OR10G2: variants seen among roughly 807,000 people sequenced by gnomAD.
OR10G2 encodes olfactory receptor family 10 subfamily G member 2.
For missense variants in OR10G2, 396 were observed against 387.6 expected (o/e 1.02, Z -0.18); for synonymous variants, 147 against 164.2 (o/e 0.90, Z 0.80).
Position 21,634,714 on chromosome 14 carries a change from C to A in OR10G2, c.129G>T (p.Gln43His). 1.2e-6 allele frequency: 2 copies of A among 1,614,148 alleles called. No homozygotes were observed. The highest frequency in any genetic ancestry group is 1.7e-6 in the Non-Finnish European group (2 of 1,180,020). Residue 43 changes from glutamine (Q) to histidine (H), a missense_variant, in exon 1 of 1, where the codon CAG becomes CAT. Gln to His is a conservative substitution (Grantham distance 24). Coordinates refer to ENST00000542433, the MANE Select transcript of OR10G2 (RefSeq NM_001005466.2). The part of the protein sequence containing the change: ...LVFFIIYILT[Q>H]LGNLLILLTM... ...TGAGCAGAATGAGCAGGTTCCCCAG[C>A]TGAGTGAGGATGTAAATGATGAAGA...
chr14:21,633,843 C>T lies in OR10G2; in HGVS notation c.*67G>A. 3 of 1,132,848 alleles carry T rather than the reference C, an allele frequency of 2.6e-6. No individual in the cohort carries two copies. Among genetic ancestry groups the T allele is most frequent in the South Asian group, 1.5e-5 (1 of 64,526 alleles). The allele number at this position is 1,132,848 out of a possible 1,614,324, so 70.2% of individuals were successfully genotyped here. ...CAGTTTATTGGGCATTTGTCACATG[C>T]AGCAGTAGCTGAAGAGAGTGGCAGT... On this transcript the variant is annotated 3_prime_UTR_variant, in exon 1 of 1. Coordinates refer to ENST00000542433, the MANE Select transcript of OR10G2 (RefSeq NM_001005466.2).
At position 21,634,558 on chromosome 14, in the gene OR10G2, C is replaced by T; in HGVS notation, c.285G>A (p.Lys95=). The change falls in exon 1 of 1, where the codon AAG becomes AAA. Residue 95 remains lysine (K), a synonymous_variant. Coordinates refer to ENST00000542433, the MANE Select transcript of OR10G2 (RefSeq NM_001005466.2). The part of the protein sequence containing the change: ...LLILDFTPSI[K]AIPFGGCVAQ... ...CCACACAGCCACCAAACGGGATAGC[C>T]TTGATGGAAGGAGTAAAATCCAAAA... 1 of 1,614,092 alleles carries T rather than the reference C, an allele frequency of 6.2e-7. No homozygotes were observed. Among genetic ancestry groups the T allele is most frequent in the Non-Finnish European group, 8.5e-7 (1 of 1,180,000 alleles).
chr14:21,634,449 A>G lies in OR10G2; in HGVS notation c.394T>C (p.Cys132Arg), dbSNP rs1327151891. The part of the protein sequence containing the change: ...LMAYDRYLAI[C>R]QPLRYPVLMN... Reference sequence around the variant, plus strand: ...AGCACTGGGTAGCGCAGGGGCTGACATATTGCCAGGTACCTGTCATAGGCC... The same window carrying G: ...AGCACTGGGTAGCGCAGGGGCTGACGTATTGCCAGGTACCTGTCATAGGCC... Residue 132 changes from cysteine (C) to arginine (R), a missense_variant, in exon 1 of 1, where the codon TGT becomes CGT. Physicochemically the swap from Cys to Arg is radical, Grantham distance 180. Transcript: ENST00000542433. 2.5e-6 allele frequency: 4 copies of G among 1,614,242 alleles called. No individual in the cohort carries two copies. Among genetic ancestry groups the G allele is most frequent in the East Asian group, 4.5e-5 (2 of 44,884 alleles).
rs1481581841 is a variant in OR10G2, at chr14:21,634,020, C to T, written c.823G>A (p.Gly275Arg). ...ACAGTGTAAAACACAGCCGCTGCCC[C>T]ATCCAGGGGGTCTTTGGAGCCAGCC... ...LRAGSKDPLD[G>R]AAAVFYTVVT... Residue 275 changes from glycine (G) to arginine (R), a missense_variant, in exon 1 of 1, where the codon GGG (glycine) becomes AGG (arginine). Coordinates refer to ENST00000542433, the MANE Select transcript of OR10G2 (RefSeq NM_001005466.2). The T allele has an allele frequency of 1.2e-6, 2 of 1,614,064 alleles. No homozygotes were observed. Among genetic ancestry groups the T allele is most frequent in the African/African-American group, 2.7e-5 (2 of 74,922 alleles).
chr14:21,634,521 A>C lies in OR10G2; in HGVS notation c.322T>G (p.Phe108Val). The C allele has an allele frequency of 6.2e-7, 1 of 1,614,202 alleles. No homozygotes were observed. The highest frequency in any genetic ancestry group is 8.5e-7 in the Non-Finnish European group (1 of 1,180,026). Residue 108 changes from phenylalanine to valine, a missense_variant, in exon 1 of 1, where the codon TTC becomes GTC. By Grantham distance (50) the Phe-to-Val change is conservative (BLOSUM62 -1). Coordinates refer to ENST00000542433, the MANE Select transcript of OR10G2 (RefSeq NM_001005466.2). Reference protein sequence around the residue: ...PFGGCVAQLYFFHFLGSTQCF... With the variant: ...PFGGCVAQLYVFHFLGSTQCF... ...TGGGTGCTGCCCAGGAAGTGAAAGAAATACAGTTGAGCCACACAGCCACCA... is the reference window on the plus strand; with the variant it reads ...TGGGTGCTGCCCAGGAAGTGAAAGACATACAGTTGAGCCACACAGCCACCA...
In OR10G2 at chr14:21,634,829, T is replaced by G. The variant is rs1405636214; in HGVS notation, c.14A>C (p.Lys5Thr). The G allele has an allele frequency of 5.6e-6, 9 of 1,607,724 alleles. No homozygotes were observed. Among genetic ancestry groups the G allele is most frequent in the Non-Finnish European group, 7.6e-6 (9 of 1,177,436 alleles). Residue 5 changes from lysine (K) to threonine (T), a missense_variant, in exon 1 of 1, where the codon AAA becomes ACA. Physicochemically the swap from Lys to Thr is moderately conservative, Grantham distance 78. Coordinates refer to ENST00000542433, the MANE Select transcript of OR10G2 (RefSeq NM_001005466.2). ...CACCACGGCATCCAGCGATGTGTTT[T>G]TGGTCTTTCCCATGTCTTTTTGTAG... MGKT[K>T]NTSLDAVVTD...
Position 21,634,528 on chromosome 14 carries a change from T to A in OR10G2, c.315A>T (p.Gln105His). Reference sequence around the variant, plus strand: ...TGCCCAGGAAGTGAAAGAAATACAGTTGAGCCACACAGCCACCAAACGGGA... The same window carrying A: ...TGCCCAGGAAGTGAAAGAAATACAGATGAGCCACACAGCCACCAAACGGGA... ...KAIPFGGCVAQLYFFHFLGST... is the reference protein window; with the variant it reads ...KAIPFGGCVAHLYFFHFLGST... Residue 105 changes from glutamine to histidine, a missense_variant, in exon 1 of 1, where the codon CAA becomes CAT. Coordinates refer to ENST00000542433, the MANE Select transcript of OR10G2 (RefSeq NM_001005466.2). The A allele has an allele frequency of 6.2e-7, 1 of 1,614,026 alleles. No individual in the cohort carries two copies. The highest frequency in any genetic ancestry group is 8.5e-7 in the Non-Finnish European group (1 of 1,179,988).
rs149623062 is a variant in OR10G2 at position 21,634,686 on chromosome 14, T to G, written c.157A>C (p.Met53Leu). 1 of 1,614,074 alleles carries G rather than the reference T, an allele frequency of 6.2e-7. No homozygotes were observed. The highest frequency in any genetic ancestry group is 8.5e-7 in the Non-Finnish European group (1 of 1,180,006). Residue 53 changes from methionine (M) to leucine (L), a missense_variant, in exon 1 of 1, where the codon ATG becomes CTG. Physicochemically the swap from Met to Leu is conservative, Grantham distance 15. Transcript: ENST00000542433. ...GCACAGAGCTTCGGGTCAGCCCACA[T>G]GGTGAGCAGAATGAGCAGGTTCCCC... is the stretch of plus-strand genomic sequence containing the variant. ...QLGNLLILLT[M>L]WADPKLCARP...
Position 21,634,112 on chromosome 14 carries a change from G to A in OR10G2, c.731C>T (p.Ser244Phe). The A allele has an allele frequency of 6.2e-7, 1 of 1,613,794 alleles. No homozygotes were observed. Among genetic ancestry groups the A allele is most frequent in the Non-Finnish European group, 8.5e-7 (1 of 1,179,746 alleles). The change falls in exon 1 of 1, where the codon TCC becomes TTC. Residue 244 changes from serine (S) to phenylalanine (F), a missense_variant. Physicochemically the swap from Ser to Phe is radical, Grantham distance 155. Transcript: ENST00000542433. ...RTTDGRRRAFSTCGSHLIVVT... is the reference protein window; with the variant it reads ...RTTDGRRRAFFTCGSHLIVVT... ...CACGATTAGGTGGGAGCCACAGGTG[G>A]AGAAGGCCCGGCGCCTCCCATCAGT...
In OR10G2 at chr14:21,634,321, A is replaced by G; in HGVS notation, c.522T>C (p.Cys174=). 1.2e-6 allele frequency: 2 copies of G among 1,614,228 alleles called. No individual in the cohort carries two copies. The highest frequency in any genetic ancestry group is 1.7e-6 in the Non-Finnish European group (2 of 1,180,040). ...TAAAGTAATCCACCTGATTGGGCCC[A>G]CAGTAGGGCAGGCGGAAGGTCAAGG... ...QATLTFRLPY[C]GPNQVDYFIC... The change falls in exon 1 of 1, where the codon TGT becomes TGC. Residue 174 remains cysteine, a synonymous_variant. Transcript: ENST00000542433.
rs144626236 is a variant in OR10G2, at chr14:21,633,936, C to A, written c.907G>T (p.Ala303Ser). 7 of 1,609,040 alleles carry A rather than the reference C, an allele frequency of 4.4e-6. No homozygotes were observed. The African/African-American group carries it at 6.7e-5, about 15-fold the overall frequency. The change falls in exon 1 of 1, where the codon GCC (alanine) becomes TCC (serine). Residue 303 changes from alanine to serine, a missense_variant. Coordinates refer to ENST00000542433, the MANE Select transcript of OR10G2 (RefSeq NM_001005466.2). ...YTLRNQEVKS[A>S]LKRITAG ...CAACCTGCTGTTATCCTCTTCAGGG[C>A]AGACTTCACTTCCTGGTTCCTCAGT...
In OR10G2 at chr14:21,634,089, C is replaced by T. The variant is rs760029956; in HGVS notation, c.754G>A (p.Val252Met). ...AFSTCGSHLI[V>M]VTVYYVPCIF... ...CAGGGGACATAGTAGACTGTGACCA[C>T]GATTAGGTGGGAGCCACAGGTGGAG... The change falls in exon 1 of 1, where the codon GTG becomes ATG. Residue 252 changes from valine to methionine, a missense_variant. Transcript: ENST00000542433. 8.9e-5 allele frequency: 144 copies of T among 1,613,958 alleles called. No individual in the cohort carries two copies. Among genetic ancestry groups the T allele is most frequent in the Non-Finnish European group, 1.1e-4 (129 of 1,179,980 alleles).
chr14:21,634,675 G>A lies in OR10G2; in HGVS notation c.168C>T (p.Asp56=), dbSNP rs757216491. The change falls in exon 1 of 1, where the codon GAC becomes GAT. Residue 56 remains aspartate, a synonymous_variant. Coordinates refer to ENST00000542433, the MANE Select transcript of OR10G2 (RefSeq NM_001005466.2). The part of the protein sequence containing the change: ...NLLILLTMWA[D]PKLCARPMYI... ...ACATGGGGCGAGCACAGAGCTTCGG[G>A]TCAGCCCACATGGTGAGCAGAATGA... The A allele has an allele frequency of 1.9e-6, 3 of 1,614,034 alleles. No homozygotes were observed. The highest frequency in any genetic ancestry group is 2.2e-5 in the East Asian group (1 of 44,888).
Position 21,634,198 on chromosome 14 carries a change from G to A in OR10G2, c.645C>T (p.Cys215=), listed in dbSNP as rs1187024930. ...CATACGAGAGCAGAATTAACATGAA[G>A]CAACTGGCGGCCACTACCCCGACGT... The part of the protein sequence containing the change: ...FVDVGVVAAS[C]FMLILLSYAN... Residue 215 remains cysteine (C), a synonymous_variant, in exon 1 of 1, where the codon TGC becomes TGT. Transcript: ENST00000542433. 6 of 1,614,194 alleles carry A rather than the reference G, an allele frequency of 3.7e-6. No homozygotes were observed. The highest frequency in any genetic ancestry group is 2.2e-5 in the East Asian group (1 of 44,892).
chr14:21,634,314 TG>T lies in OR10G2; in HGVS notation c.528del (p.Asn177IlefsTer14), dbSNP rs1427534513. ...TCACAGATAAAGTAATCCACCTGATTGGGCCCACAGTAGGGCAGGCGGAAGG... is the reference window on the plus strand; with the variant it reads ...TCACAGATAAAGTAATCCACCTGATTGGCCCACAGTAGGGCAGGCGGAAGG... ...TLTFRLPYCG[P>X]NQVDYFICDI... On this transcript the variant is annotated frameshift_variant, in exon 1 of 1. Coordinates refer to ENST00000542433, the MANE Select transcript of OR10G2 (RefSeq NM_001005466.2). LOFTEE classifies it low-confidence loss of function (END_TRUNC). 1 of 1,614,072 alleles carries T rather than the reference TG, an allele frequency of 6.2e-7. No homozygotes were observed. The highest frequency in any genetic ancestry group is 8.5e-7 in the Non-Finnish European group (1 of 1,180,038).
In OR10G2 at chr14:21,634,206, C is replaced by T. The variant is rs138547518; in HGVS notation, c.637G>A (p.Ala213Thr). ...AGCAGAATTAACATGAAGCAACTGG[C>T]GGCCACTACCCCGACGTCCACAAAG... is the stretch of plus-strand genomic sequence containing the variant. ...VTFVDVGVVA[A>T]SCFMLILLSY... Residue 213 changes from alanine (A) to threonine (T), a missense_variant, in exon 1 of 1, where the codon GCC becomes ACC. Transcript: ENST00000542433. The T allele has an allele frequency of 9.3e-5, 150 of 1,614,132 alleles. 1 individual carries two copies. The African/African-American group carries it at 1.7e-3, about 18-fold the overall frequency.
rs780782751 is a variant in OR10G2, at chr14:21,634,529, T to G, written c.314A>C (p.Gln105Pro). The change falls in exon 1 of 1, where the codon CAA (glutamine) becomes CCA (proline). Residue 105 changes from glutamine to proline, a missense_variant. Coordinates refer to ENST00000542433, the MANE Select transcript of OR10G2 (RefSeq NM_001005466.2). The part of the protein sequence containing the change: ...KAIPFGGCVA[Q>P]LYFFHFLGST... Reference sequence around the variant, plus strand: ...GCCCAGGAAGTGAAAGAAATACAGTTGAGCCACACAGCCACCAAACGGGAT... The same window carrying G: ...GCCCAGGAAGTGAAAGAAATACAGTGGAGCCACACAGCCACCAAACGGGAT... The G allele has an allele frequency of 1.9e-6, 3 of 1,614,090 alleles. No individual in the cohort carries two copies. The Admixed American group carries it at 5.0e-5, about 27-fold the overall frequency.
rs1355443978 is a variant in OR10G2 at position 21,634,271 on chromosome 14, C to T, written c.572G>A (p.Arg191Lys). The change falls in exon 1 of 1, where the codon AGA (arginine) becomes AAA (lysine). Residue 191 changes from arginine to lysine, a missense_variant. Coordinates refer to ENST00000542433, the MANE Select transcript of OR10G2 (RefSeq NM_001005466.2). Reference protein sequence around the residue: ...YFICDIPAVLRLACADTTVNE... With the variant: ...YFICDIPAVLKLACADTTVNE... Reference sequence around the variant, plus strand: ...GACAGTTGTGTCAGCACAGGCCAGTCTCAATACTGCGGGGATGTCACAGAT... The same window carrying T: ...GACAGTTGTGTCAGCACAGGCCAGTTTCAATACTGCGGGGATGTCACAGAT... 2 of 1,614,200 alleles carry T rather than the reference C, an allele frequency of 1.2e-6. No homozygotes were observed. The highest frequency in any genetic ancestry group is 1.7e-5 in the Admixed American group (1 of 60,024).
In OR10G2 at chr14:21,634,222, G is replaced by T. The variant is rs370584726; in HGVS notation, c.621C>A (p.Asp207Glu). 6.2e-7 allele frequency: 1 copy of T among 1,614,174 alleles called. No individual in the cohort carries two copies. Among genetic ancestry groups the T allele is most frequent in the South Asian group, 1.1e-5 (1 of 91,088 alleles). ...AGCAACTGGCGGCCACTACCCCGAC[G>T]TCCACAAAGGTCACAAGCTCATTGA... ...TTVNELVTFV[D>E]VGVVAASCFM... Residue 207 changes from aspartate (D) to glutamate (E), a missense_variant, in exon 1 of 1, where the codon GAC (aspartate) becomes GAA (glutamate). Coordinates refer to ENST00000542433, the MANE Select transcript of OR10G2 (RefSeq NM_001005466.2).
Sources: gnomAD v4.1 joint callset for allele counts on GRCh38, gnomAD v4.1.1 for gene constraint, MANE v1.5 for transcripts, NCBI Gene and HGNC (gene_info 2026-07-23, HGNC 2026-07-21) for gene names.